The following PDE4B variants were observed in gnomAD, a reference collection of about 807,000 sequenced individuals.
PDE4B encodes phosphodiesterase 4B, also known as 3',5'-cyclic-AMP phosphodiesterase 4B.
Under a neutral mutation model 82.2 loss-of-function variants are expected in PDE4B, and 20 were observed. The observed-to-expected ratio is 0.24, with a 90% CI of 0.17 to 0.35. The LOEUF (loss-of-function observed/expected upper bound fraction) is 0.35, where lower values mean the gene tolerates loss of function less well. PDE4B is among the 10% of genes least tolerant of loss of function. The probability of loss-of-function intolerance (pLI) is 1.00; values close to 1 mark genes in which losing one functional copy is unlikely to be tolerated. For synonymous variants in PDE4B, 320 were observed against 318.9 expected (o/e 1.00, Z -0.04); for missense variants, 655 against 907.2 (o/e 0.72, Z 3.57).
At chr1:65,881,576 G>A (rs573900711) in intron 1 of PDE4B, among the ~76,000 whole-genome samples, 6 of 152,230 alleles carry the variant, frequency 3.9e-5, no homozygotes, top group East Asian at 1.9e-4. Flanking sequence ...TTAAAAGCAC[G>A]TGTGCTGGCT....
chr1:66,066,271 C>G (rs1008878788), intron 3 of PDE4B, among the ~76,000 whole-genome samples: 1 of 151,596 alleles, frequency 6.6e-6, no homozygotes, highest in Non-Finnish European at 1.5e-5. Context: ...AGTCCCTACC[C>G]GCAGCCTCCT....
In PDE4B at chr1:66,026,970, AG is replaced by A. The variant is rs555373593; in HGVS notation, c.281+108136del. On this transcript the variant is annotated intron_variant, in intron 3 of 16. Coordinates refer to ENST00000341517, the MANE Select transcript of PDE4B (RefSeq NM_002600.4). ...CGTTTTTCTTAACAGCTGCAAACTA[AG>A]ATTTGTTTTGAATAATCCTATTAGT... 3.0e-4 allele frequency among the ~76,000 whole-genome samples: 46 copies of A among 152,348 alleles called. 1 individual carries two copies. The highest frequency in any genetic ancestry group is 5.4e-4 in the Non-Finnish European group (37 of 68,036).
intron 3 of PDE4B, among the ~76,000 whole-genome samples, chr1:65,966,257 GACAA>G (rs560082606): frequency 1.4e-3 from 214 of 152,124 alleles, no homozygotes; most frequent in Admixed American, 2.2e-3. Flanking sequence ...ACCAATAATA[GACAA>G]ACAGAGAGCC....
intron 3 of PDE4B, among the ~76,000 whole-genome samples, chr1:66,198,701 C>T (rs1648560602): frequency 6.6e-6 from 1 of 152,174 alleles, no homozygotes. Context: ...TGTCGGTGTA[C>T]TGCACCCATT....
intron 1 of PDE4B, among the ~76,000 whole-genome samples, chr1:65,841,090 A>C (rs1557773616): frequency 1.3e-5 from 2 of 152,168 alleles, no homozygotes; most frequent in Admixed American, 6.5e-5. Context: ...TGAGCTCAGG[A>C]GTTCTAGACC....
intron 3 of PDE4B, among the ~76,000 whole-genome samples, chr1:66,122,703 C>CTTTTTTTT (rs3036785): frequency 6.3e-5 from 7 of 111,962 alleles, no homozygotes; most frequent in South Asian, 2.9e-4. Context: ...CTCTTCTTTT[C>CTTTTTTTT]TTTTTTTTTT....
chr1:65,887,269 T>TTCTC (rs1557799159), intron 1 of PDE4B, among the ~76,000 whole-genome samples: 1 of 2,556 alleles, frequency 3.9e-4, no homozygotes, highest in Non-Finnish European at 9.1e-4. Context: ...CTTTCCTTCC[T>TTCTC]TCTTTCTTTC....
intron 3 of PDE4B, among the ~76,000 whole-genome samples, chr1:65,951,065 G>A (rs751553663): frequency 2.6e-5 from 4 of 152,054 alleles, no homozygotes; most frequent in African/African-American, 9.7e-5. Context: ...GGACCGTCAC[G>A]CAAATAGCAT....
intron 3 of PDE4B, among the ~76,000 whole-genome samples, chr1:66,130,479 G>A (rs1397014895): frequency 6.6e-6 from 1 of 152,120 alleles, no homozygotes; most frequent in African/African-American, 2.4e-5. Context: ...CCATGTAGTG[G>A]ATGCTGAGGG....
At chr1:66,274,823 C>T (rs977463702) in intron 7 of PDE4B, among the ~76,000 whole-genome samples, 4 of 152,164 alleles carry the variant, frequency 2.6e-5, no homozygotes, top group Admixed American at 2.0e-4. Context: ...TAGCTAAGAT[C>T]CCAGCCTTCT....
chr1:66,293,819 G>C (rs935354921), intron 7 of PDE4B, among the ~76,000 whole-genome samples: 18 of 152,164 alleles, frequency 1.2e-4, no homozygotes, highest in African/African-American at 4.3e-4. Flanking sequence ...CTGCATAAAG[G>C]CTAGGTATGT....
intron 3 of PDE4B, among the ~76,000 whole-genome samples, chr1:65,938,362 T>A (rs1557445177): frequency 6.6e-6 from 1 of 152,218 alleles, no homozygotes; most frequent in Non-Finnish European, 1.5e-5. Flanking sequence ...AGTAGTAAAC[T>A]TTATTTTATA....
At chr1:65,804,537 C>G (rs980852351) in intron 1 of PDE4B, among the ~76,000 whole-genome samples, 1 of 152,070 alleles carries the variant, frequency 6.6e-6, no homozygotes, top group African/African-American at 2.4e-5. Context: ...GGAAGTAGTT[C>G]CCCTTGGCCT....
chr1:66,332,380 C>A (rs868415620), intron 7 of PDE4B, 128 bp from the exon 8 acceptor site: 4 of 1,612,952 alleles, frequency 2.5e-6, no homozygotes, highest in South Asian at 1.1e-5. Flanking sequence ...AAGGAGCCAG[C>A]GTGCAAATAA....
chr1:66,345,003 G>C (rs1234673923), intron 8 of PDE4B, among the ~76,000 whole-genome samples: 1 of 152,146 alleles, frequency 6.6e-6, no homozygotes, highest in Non-Finnish European at 1.5e-5. Context: ...ATCCAATGTA[G>C]CATGGTAATA....
At chr1:65,848,536 C>A (rs1239593242) in intron 1 of PDE4B, among the ~76,000 whole-genome samples, 2 of 152,182 alleles carry the variant, frequency 1.3e-5, no homozygotes, top group African/African-American at 2.4e-5. Context: ...CTTGTGCCAA[C>A]TTCTAGTCAC....
At chr1:66,221,554 G>A (rs973044944) in intron 3 of PDE4B, among the ~76,000 whole-genome samples, 16 of 152,314 alleles carry the variant, frequency 1.1e-4, no homozygotes, top group Non-Finnish European at 1.8e-4. Context: ...CTGTGTTATA[G>A]ATTAGGTAAT....
rs1280680569 is a variant in PDE4B, at chr1:66,081,832, C to CTCTGTGTG, written c.281+162998_281+162999insCTGTGTGT. Among the ~76,000 whole-genome samples the CTCTGTGTG allele has an allele frequency of 8.4e-3, 1,046 of 125,156 alleles. 8 individuals are homozygous for CTCTGTGTG. Among genetic ancestry groups the CTCTGTGTG allele is most frequent in the Non-Finnish European group, 0.014 (788 of 58,130 alleles). 82.1% of individuals were successfully genotyped at this position (125,156 alleles called of 152,430 possible). A position where few individuals can be genotyped will look rare whatever the true frequency, so the allele number is the denominator to read the frequency against. ...ACTCTCTCTCTCTCTCTCTCTCTCT[C>CTCTGTGTG]TGTGTGTGTGTGTGTGTGTGTGTGT... On this transcript the variant is annotated intron_variant, in intron 3 of 16. Transcript: ENST00000341517.
intron 3 of PDE4B, among the ~76,000 whole-genome samples, chr1:66,117,275 C>T (rs1270710763): frequency 3.3e-5 from 5 of 151,910 alleles, no homozygotes; most frequent in Admixed American, 6.6e-5. Flanking sequence ...AGTTGATGAT[C>T]TTACAGAGAT....
Sources: gnomAD v4.1 joint callset for allele counts (sites outside exome capture counted in the v4.1 genomes callset) on GRCh38, gnomAD v4.1.1 for gene constraint, MANE v1.5 for transcripts, NCBI Gene and HGNC (gene_info 2026-07-23, HGNC 2026-07-21) for gene names.